Variants in CLVS1 observed in about 807,000 individuals in gnomAD.
CLVS1 encodes clavesin 1, also known as clavesin-1.
Under a neutral mutation model 33.1 loss-of-function variants are expected in CLVS1, and 10 were observed. The ratio of observed to expected loss-of-function variants is 0.30; its 90% confidence interval spans 0.19 to 0.51. The LOEUF (loss-of-function observed/expected upper bound fraction) is 0.51. Ranked by LOEUF, CLVS1 falls within the 20% of genes least tolerant of loss-of-function variation. CLVS1 has a pLI of 0.97. For missense variants in CLVS1, 343 were observed against 433.4 expected (o/e 0.79, Z 1.85); for synonymous variants, 163 against 166.1 (o/e 0.98, Z 0.14).
intron 2 of CLVS1, among the ~76,000 whole-genome samples, chr8:61,279,276 C>T (rs764468293): frequency 6.6e-6 from 1 of 152,180 alleles, no homozygotes; most frequent in Non-Finnish European, 1.5e-5. Context: ...GGCAGTGAGG[C>T]GAAGGCCATT....
At chr8:61,187,756 A>G (rs1191672900) in intron 2 of CLVS1, among the ~76,000 whole-genome samples, 2 of 150,272 alleles carry the variant, frequency 1.3e-5, no homozygotes, top group African/African-American at 4.9e-5. Context: ...TATTTTTTAA[A>G]CTTATAAAAT....
At chr8:61,180,360 C>A (rs1284172841) in intron 2 of CLVS1, among the ~76,000 whole-genome samples, 3 of 152,094 alleles carry the variant, frequency 2.0e-5, no homozygotes, top group Admixed American at 2.0e-4. Flanking sequence ...AGCCTACCCA[C>A]TAAAAAAGCC....
chr8:61,096,727 G>A (rs1305412154), intron 1 of CLVS1, among the ~76,000 whole-genome samples: 1 of 152,126 alleles, frequency 6.6e-6, no homozygotes, highest in Non-Finnish European at 1.5e-5. Flanking sequence ...ATGGTGAAGA[G>A]AAAGCAGATT....
At chr8:60,999,122 A>T in the CLVS1 span, among the ~76,000 whole-genome samples, 2 of 152,150 alleles carry the variant, frequency 1.3e-5, no homozygotes, top group African/African-American at 4.8e-5. Flanking sequence ...TTGAGATCCA[A>T]ATCTCACTCT....
At chr8:61,143,231 A>G (rs186851023) in intron 2 of CLVS1, among the ~76,000 whole-genome samples, 1 of 152,252 alleles carries the variant, frequency 6.6e-6, no homozygotes, top group Admixed American at 6.5e-5. Context: ...CTAGACAGGT[A>G]GAGTCAAGGA....
chr8:61,357,892 C>A (rs1812808646), intron 2 of CLVS1, among the ~76,000 whole-genome samples: 1 of 152,156 alleles, frequency 6.6e-6, no homozygotes. Context: ...TTGCTGGAAA[C>A]AGATTCTGCT....
intron 2 of CLVS1, among the ~76,000 whole-genome samples, chr8:61,365,250 A>G (rs1429649307): frequency 6.6e-6 from 1 of 152,190 alleles, no homozygotes. Flanking sequence ...AATGTTGGCC[A>G]GGTGCGTTGG....
chr8:61,370,053 C>T (rs1296917440), intron 2 of CLVS1, among the ~76,000 whole-genome samples: 1 of 152,100 alleles, frequency 6.6e-6, no homozygotes, highest in Non-Finnish European at 1.5e-5. Context: ...CACCTATAAC[C>T]AAGACATAGA....
chr8:61,219,394 T>G (rs997372594), intron 2 of CLVS1, among the ~76,000 whole-genome samples: 6 of 152,114 alleles, frequency 3.9e-5, no homozygotes, highest in African/African-American at 1.4e-4. Context: ...TGAGAACATG[T>G]GGTGTTTGAT....
At chr8:61,035,588 G>C in the CLVS1 span, among the ~76,000 whole-genome samples, 1 of 152,116 alleles carries the variant, frequency 6.6e-6, no homozygotes, top group Non-Finnish European at 1.5e-5. Context: ...TCAGAGAGGG[G>C]AAAAAGGAAG....
chr8:61,329,004 G>A (rs1811489289), intron 2 of CLVS1, among the ~76,000 whole-genome samples: 1 of 152,066 alleles, frequency 6.6e-6, no homozygotes, highest in Non-Finnish European at 1.5e-5. Flanking sequence ...CTGCATTCTT[G>A]TACTTTTATC....
At chr8:61,036,795 CT>C in the CLVS1 span, among the ~76,000 whole-genome samples, 11 of 152,200 alleles carry the variant, frequency 7.2e-5, no homozygotes, top group Non-Finnish European at 1.5e-4. Flanking sequence ...TATGATATGA[CT>C]TTTTAATCTT....
At position 61,220,356 on chromosome 8, in the gene CLVS1, C is replaced by T. The variant is rs779954419; in HGVS notation, c.-151-79321C>T. Among the ~76,000 whole-genome samples the T allele has an allele frequency of 5.3e-5, 8 of 152,006 alleles. No individual in the cohort carries two copies. In the East Asian group the frequency reaches 5.8e-4, roughly 11 times the overall value. On this transcript the variant is annotated intron_variant, in intron 2 of 2. Transcript: ENST00000522621. ...TTGTATAAGGTGTAAGGAAGGGGTCCGGTTTCAGTTTTCTTCATATAGCTA... is the reference window on the plus strand; with the variant it reads ...TTGTATAAGGTGTAAGGAAGGGGTCTGGTTTCAGTTTTCTTCATATAGCTA...
At chr8:60,988,256 C>T in the CLVS1 span, among the ~76,000 whole-genome samples, 2,233 of 152,138 alleles carry the variant, frequency 0.015, 47 homozygotes, top group African/African-American at 0.046. Context: ...CATCTCCATG[C>T]GAGTGGTTGG....
At chr8:60,970,889 A>C in the CLVS1 span, among the ~76,000 whole-genome samples, 1 of 152,034 alleles carries the variant, frequency 6.6e-6, no homozygotes, top group Non-Finnish European at 1.5e-5. Context: ...GTTAGTCTGC[A>C]CTGGTCTTCT....
intron 1 of CLVS1, among the ~76,000 whole-genome samples, chr8:61,091,721 C>G (rs934258316): frequency 5.3e-5 from 8 of 152,044 alleles, no homozygotes; most frequent in African/African-American, 1.9e-4. Flanking sequence ...CTAAACTAAC[C>G]CTACTAAATA....
chr8:61,366,456 C>T (rs1341506390), intron 2 of CLVS1, among the ~76,000 whole-genome samples: 1 of 152,238 alleles, frequency 6.6e-6, no homozygotes, highest in Non-Finnish European at 1.5e-5. Context: ...CTTTCCTCCT[C>T]TTGGACCCAA....
chr8:61,242,952 C>T (rs897787148), intron 2 of CLVS1, among the ~76,000 whole-genome samples: 1 of 148,822 alleles, frequency 6.7e-6, no homozygotes, highest in African/African-American at 2.4e-5. Context: ...TAGTCTAGTT[C>T]ATCTCAGAGT....
At chr8:61,436,751 A>G (rs1472457002) in intron 3 of CLVS1, among the ~76,000 whole-genome samples, 1 of 152,194 alleles carries the variant, frequency 6.6e-6, no homozygotes, top group Non-Finnish European at 1.5e-5. Context: ...AACTTAAGGC[A>G]TTACATATCA....
Sources: gnomAD v4.1 joint callset for allele counts (sites outside exome capture counted in the v4.1 genomes callset) on GRCh38, gnomAD v4.1.1 for gene constraint, MANE v1.5 for transcripts, NCBI Gene and HGNC (gene_info 2026-07-23, HGNC 2026-07-21) for gene names.